The following GPR39 variants were observed in gnomAD, a reference collection of about 807,000 sequenced individuals.
GPR39 encodes the protein zinc sensing receptor.
A neutral mutation model predicts 18.4 loss-of-function variants in GPR39; 23 were observed. The observed-to-expected ratio is 1.25, with a 90% CI of 0.90 to 1.77. GPR39 has a LOEUF of 1.77. Ranked by LOEUF, GPR39 falls within the 40% of genes most tolerant of loss-of-function variation. The pLI is 0.00. For missense variants in GPR39, 647 were observed against 602.4 expected (o/e 1.07, Z -0.78); for synonymous variants, 280 against 257.9 (o/e 1.09, Z -0.82).
intron 1 of GPR39, among the ~76,000 whole-genome samples, chr2:132,470,292 G>A (rs1681006069): frequency 6.6e-6 from 1 of 152,162 alleles, no homozygotes; most frequent in South Asian, 2.1e-4. Flanking sequence ...AGGAGATGAA[G>A]GTAGACAGGT....
intron 1 of GPR39, among the ~76,000 whole-genome samples, chr2:132,527,317 C>T (rs1372144223): frequency 6.6e-6 from 1 of 152,236 alleles, no homozygotes; most frequent in Non-Finnish European, 1.5e-5. Context: ...ATATGTACCA[C>T]ATTTTCTTTA....
In GPR39 at chr2:132,593,542, G is replaced by A. The variant is rs146531461; in HGVS notation, c.857-51559G>A. Among the ~76,000 whole-genome samples the A allele has an allele frequency of 2.0e-3, 306 of 152,300 alleles. 1 individual carries two copies. Among genetic ancestry groups the A allele is most frequent in the Middle Eastern group, 6.8e-3 (2 of 294 alleles). Reference sequence around the variant, plus strand: ...TAGGTTAACTCCTAGGAGCTGAGGAGAAGAGCCAGCCAAGTTCTTTACTAC... The same window carrying A: ...TAGGTTAACTCCTAGGAGCTGAGGAAAAGAGCCAGCCAAGTTCTTTACTAC... On this transcript the variant is annotated intron_variant, in intron 1 of 1. Coordinates refer to ENST00000329321, the MANE Select transcript of GPR39 (RefSeq NM_001508.3).
At chr2:132,442,473 C>T (rs753776520) in intron 1 of GPR39, among the ~76,000 whole-genome samples, 11 of 152,164 alleles carry the variant, frequency 7.2e-5, no homozygotes, top group East Asian at 3.9e-4. Flanking sequence ...CCATTAACAC[C>T]GCTCAGGCCC....
intron 1 of GPR39, among the ~76,000 whole-genome samples, chr2:132,554,771 T>C (rs1680116680): frequency 6.6e-6 from 1 of 152,148 alleles, no homozygotes; most frequent in Admixed American, 6.5e-5. Flanking sequence ...GCACAAGCAT[T>C]TTCTCCCCCT....
At chr2:132,512,350 T>C (rs1195150714) in intron 1 of GPR39, among the ~76,000 whole-genome samples, 1 of 152,144 alleles carries the variant, frequency 6.6e-6, no homozygotes, top group Non-Finnish European at 1.5e-5. Flanking sequence ...CTGAAAGAGA[T>C]ACTCACGGAG....
At chr2:132,641,530 C>T (rs540446209) in intron 1 of GPR39, among the ~76,000 whole-genome samples, 102 of 152,278 alleles carry the variant, frequency 6.7e-4, no homozygotes, top group Non-Finnish European at 1.1e-3. Context: ...CCACATGTGT[C>T]TCTTCCCAAC....
intron 1 of GPR39, among the ~76,000 whole-genome samples, chr2:132,445,264 A>G (rs969358165): frequency 2.6e-5 from 4 of 152,174 alleles, no homozygotes; most frequent in Non-Finnish European, 5.9e-5. Flanking sequence ...CATAGTCCTT[A>G]TAATTCCCAT....
intron 1 of GPR39, among the ~76,000 whole-genome samples, chr2:132,427,173 T>G (rs1161759141): frequency 6.5e-5 from 8 of 122,594 alleles, no homozygotes; most frequent in Non-Finnish European, 1.3e-4. Context: ...TATGAAATTT[T>G]TTTTTTTTTG....
chr2:132,628,466 A>G (rs189624770), intron 1 of GPR39, among the ~76,000 whole-genome samples: 1 of 152,192 alleles, frequency 6.6e-6, no homozygotes, highest in Admixed American at 6.5e-5. Context: ...CTCCTCACTC[A>G]TGCAGGGCCA....
intron 1 of GPR39, among the ~76,000 whole-genome samples, chr2:132,611,529 G>T (rs1681239926): frequency 6.6e-6 from 1 of 152,022 alleles, no homozygotes; most frequent in African/African-American, 2.4e-5. Flanking sequence ...ATTTCAGCTT[G>T]GTTCAATTAA....
intron 1 of GPR39, among the ~76,000 whole-genome samples, chr2:132,593,354 G>A (rs901424491): frequency 6.6e-6 from 1 of 152,120 alleles, no homozygotes; most frequent in Admixed American, 6.5e-5. Context: ...TCACATGGTT[G>A]GTTTTTCTGG....
At chr2:132,482,117 T>C (rs1322511341) in intron 1 of GPR39, among the ~76,000 whole-genome samples, 3 of 152,216 alleles carry the variant, frequency 2.0e-5, no homozygotes, top group Non-Finnish European at 4.4e-5. Context: ...AGTGGTTCCA[T>C]GCTCAGCTCC....
chr2:132,552,794 A>G (rs1289998872), intron 1 of GPR39, among the ~76,000 whole-genome samples: 2 of 108,196 alleles, frequency 1.8e-5, no homozygotes, highest in South Asian at 3.6e-4. Context: ...CAATGTGTAT[A>G]TATGTGTGTG....
At chr2:132,455,549 T>G (rs991774844) in intron 1 of GPR39, among the ~76,000 whole-genome samples, 2 of 152,228 alleles carry the variant, frequency 1.3e-5, no homozygotes, top group African/African-American at 4.8e-5. Context: ...CTCTTGCTTC[T>G]CTAGTTCTTT....
chr2:132,532,095 C>A (rs575911775), intron 1 of GPR39, among the ~76,000 whole-genome samples: 1 of 152,110 alleles, frequency 6.6e-6, no homozygotes, highest in African/African-American at 2.4e-5. Flanking sequence ...AATTGATAGA[C>A]CACTAGCAAG....
intron 1 of GPR39, among the ~76,000 whole-genome samples, chr2:132,479,862 A>G (rs1041387447): frequency 5.3e-5 from 8 of 152,084 alleles, no homozygotes; most frequent in Non-Finnish European, 7.4e-5. Context: ...TATATATCCA[A>G]AAAAGTTGAA....
At chr2:132,442,281 T>A (rs565798692) in intron 1 of GPR39, among the ~76,000 whole-genome samples, 2 of 152,266 alleles carry the variant, frequency 1.3e-5, no homozygotes, top group South Asian at 4.1e-4. Flanking sequence ...CTTAGAAGCA[T>A]GAGGTCGTTG....
At chr2:132,516,164 G>A (rs1204403652) in intron 1 of GPR39, among the ~76,000 whole-genome samples, 1 of 152,124 alleles carries the variant, frequency 6.6e-6, no homozygotes, top group African/African-American at 2.4e-5. Flanking sequence ...TTGAGGGAGG[G>A]AAATTCTCAG....
chr2:132,426,450 G>A (rs1383967039), intron 1 of GPR39, among the ~76,000 whole-genome samples: 2 of 152,216 alleles, frequency 1.3e-5, no homozygotes, highest in Non-Finnish European at 2.9e-5. Flanking sequence ...ACTAGGCGCT[G>A]CATAAAGGTT....
Sources: gnomAD v4.1 joint callset for allele counts (sites outside exome capture counted in the v4.1 genomes callset) on GRCh38, gnomAD v4.1.1 for gene constraint, MANE v1.5 for transcripts, NCBI Gene and HGNC (gene_info 2026-07-23, HGNC 2026-07-21) for gene names.